The following SDK2 variants were observed in gnomAD, a reference collection of about 807,000 sequenced individuals.
SDK2 encodes sidekick cell adhesion molecule 2, also known as protein sidekick-2.
A neutral mutation model predicts 253.9 loss-of-function variants in SDK2; 105 were observed. The observed-to-expected ratio is 0.41, with a 90% CI of 0.35 to 0.49. The LOEUF is 0.49. Among genes scored for constraint, SDK2 ranks in the 20% least tolerant of loss-of-function variants. The probability of loss-of-function intolerance (pLI) is 0.06; values close to 1 mark genes in which losing one functional copy is unlikely to be tolerated. For missense variants in SDK2, 2,608 were observed against 3,003.0 expected (o/e 0.87, Z 3.07); for synonymous variants, 1,249 against 1,234.9 (o/e 1.01, Z -0.24).
At chr17:73,358,566 T>TA (rs1194017621) in intron 39 of SDK2, among the ~76,000 whole-genome samples, 5 of 152,050 alleles carry the variant, frequency 3.3e-5, no homozygotes, top group African/African-American at 1.2e-4. Flanking sequence ...TCCCCCTCTA[T>TA]AAGGGCCTTT....
intron 1 of SDK2, among the ~76,000 whole-genome samples, chr17:73,579,901 C>T (rs1308453779): frequency 6.6e-6 from 1 of 151,734 alleles, no homozygotes; most frequent in Non-Finnish European, 1.5e-5. Context: ...CTGCTTGGAC[C>T]TGGGAGGTGG....
rs115501690 is a variant in SDK2, at chr17:73,534,892, C to T, written c.65-27295G>A. Reference sequence around the variant, plus strand: ...CCTTGTGGGGATACTGGATACTCTGCGATCGGCCGATCAGCCCGCTACTGG... The same window carrying T: ...CCTTGTGGGGATACTGGATACTCTGTGATCGGCCGATCAGCCCGCTACTGG... On this transcript the variant is annotated intron_variant, in intron 1 of 44. Coordinates refer to ENST00000392650, the MANE Select transcript of SDK2 (RefSeq NM_001144952.2). The surrounding 1 kb of genome is among the most constrained non-coding windows in gnomAD (Gnocchi z 4.9). Among the ~76,000 whole-genome samples the T allele has an allele frequency of 0.014, 2,102 of 152,240 alleles. 56 individuals carry two copies. The highest frequency in any genetic ancestry group is 0.047 in the African/African-American group (1,955 of 41,546).
chr17:73,364,321 C>A (rs184010305), intron 38 of SDK2, among the ~76,000 whole-genome samples: 2 of 152,078 alleles, frequency 1.3e-5, no homozygotes, highest in East Asian at 3.9e-4. Flanking sequence ...AGCTGGGGCC[C>A]GGAGGAAGGG....
At chr17:73,418,796 C>T (rs1294768348) in intron 16 of SDK2, among the ~76,000 whole-genome samples, 5 of 152,170 alleles carry the variant, frequency 3.3e-5, no homozygotes, top group Admixed American at 6.5e-5. Context: ...CTTCGGCCAG[C>T]TGGTTTCTCC....
Position 73,507,451 on chromosome 17 carries a change from A to G in SDK2, c.211T>C (p.Ser71Pro). Reference protein sequence around the residue: ...LHNNRELTKFSLEYRYMITSL... With the variant: ...LHNNRELTKFPLEYRYMITSL... ...GGGGCAGTTTACCTGTATTCCAGGG[A>G]GAACTTGGTCAGCTCCCTGTTGTTG... Residue 71 changes from serine to proline, a missense_variant, in exon 2 of 45, where the codon TCC (serine) becomes CCC (proline). Ser to Pro is a moderately conservative substitution (Grantham distance 74). Coordinates refer to ENST00000392650, the MANE Select transcript of SDK2 (RefSeq NM_001144952.2). 1 of 1,551,122 alleles carries G rather than the reference A, an allele frequency of 6.4e-7. No homozygotes were observed. Among genetic ancestry groups the G allele is most frequent in the Non-Finnish European group, 8.7e-7 (1 of 1,146,670 alleles).
chr17:73,616,677 C>T lies in SDK2; in HGVS notation c.64+27348G>A, dbSNP rs2046061979. On this transcript the variant is annotated intron_variant, in intron 1 of 44. Transcript: ENST00000392650. The surrounding 1 kb of genome is among the most constrained non-coding windows in gnomAD (Gnocchi z 5.2). ...AACTAACTAGTCCAGCTAGTTTTTG[C>T]AGAATGCTGTGAGAGTTACAGGATA... is the stretch of plus-strand genomic sequence containing the variant. 6.6e-6 allele frequency among the ~76,000 whole-genome samples: 1 copy of T among 152,172 alleles called. No homozygotes were observed. The highest frequency in any genetic ancestry group is 2.4e-5 in the African/African-American group (1 of 41,448).
intron 2 of SDK2, among the ~76,000 whole-genome samples, chr17:73,476,577 C>A (rs547317809): frequency 5.0e-4 from 76 of 152,244 alleles, no homozygotes; most frequent in African/African-American, 1.8e-3. Context: ...GTCAGTGAGG[C>A]GTGGTGAAAT....
In SDK2 at chr17:73,414,687, G is replaced by T; in HGVS notation, c.2441C>A (p.Ala814Asp). ...GCCGTTGATGAACTGGGGGCTGGGG[G>T]CGTTCCAGGTGAAGCGGATGGTCGT... Reference protein sequence around the residue: ...NSTTIRFTWNAPSPQFINGIN... With the variant: ...NSTTIRFTWNDPSPQFINGIN... Residue 814 changes from alanine to aspartate, a missense_variant, in exon 18 of 45, where the codon GCC (alanine) becomes GAC (aspartate). Physicochemically the swap from Ala to Asp is moderately radical, Grantham distance 126 (BLOSUM62 -2). Around this residue, in one of 2 missense-constraint regions of SDK2, gnomAD observed 1,505 missense variants for 1,859.1 expected, o/e 0.81. Coordinates refer to ENST00000392650, the MANE Select transcript of SDK2 (RefSeq NM_001144952.2). 3 of 1,613,990 alleles carry T rather than the reference G, an allele frequency of 1.9e-6. No homozygotes were observed. Among genetic ancestry groups the T allele is most frequent in the Non-Finnish European group, 1.7e-6 (2 of 1,179,900 alleles).
Position 73,435,918 on chromosome 17 carries a change from T to G in SDK2, c.1001-274A>C, listed in dbSNP as rs2063364739. On this transcript the variant is annotated intron_variant, in intron 8 of 44. Coordinates refer to ENST00000392650, the MANE Select transcript of SDK2 (RefSeq NM_001144952.2). This position sits in a 1 kb window ranked among gnomAD's most constrained non-coding sequence, Gnocchi z 5.7. ...GGACAAACTAATTTATTTATTCTAT[T>G]TTTTATTTCTATTTGTGTAGAGATG... 6.6e-6 allele frequency among the ~76,000 whole-genome samples: 1 copy of G among 152,130 alleles called. No individual in the cohort carries two copies. The highest frequency in any genetic ancestry group is 2.4e-5 in the African/African-American group (1 of 41,416).
intron 40 of SDK2, 92 bp downstream of exon 40, chr17:73,357,987 C>T (rs750219142): frequency 7.0e-6 from 11 of 1,578,274 alleles, no homozygotes; most frequent in Admixed American, 3.3e-5. Context: ...CCTTCTCAGG[C>T]GGAGGACAGA....
intron 9 of SDK2, among the ~76,000 whole-genome samples, chr17:73,434,208 G>A (rs889823820): frequency 6.6e-6 from 1 of 152,206 alleles, no homozygotes; most frequent in Non-Finnish European, 1.5e-5. Flanking sequence ...TGAAAGGAAG[G>A]CTCTGGCTTC....
intron 33 of SDK2, 122 bp from the exon 34 acceptor site, chr17:73,381,072 A>C: frequency 1.5e-6 from 1 of 655,480 alleles, no homozygotes; most frequent in Non-Finnish European, 2.8e-6. Context: ...GCGTGAACAG[A>C]CAGGAAGAGT....
intron 1 of SDK2, among the ~76,000 whole-genome samples, chr17:73,622,437 AT>A (rs2070346782): frequency 1.3e-5 from 2 of 152,184 alleles, no homozygotes; most frequent in Admixed American, 6.5e-5. Context: ...GATTCCAGAA[AT>A]TAGGGCTGTT....
chr17:73,443,240 C>G lies in SDK2; in HGVS notation c.614-2317G>C, dbSNP rs2063429262. 6.6e-6 allele frequency among the ~76,000 whole-genome samples: 1 copy of G among 151,736 alleles called. No homozygotes were observed. The highest frequency in any genetic ancestry group is 1.5e-5 in the Non-Finnish European group (1 of 67,982). ...GACTCCAGGCCTTGCTAGAAAAGGC[C>G]CAGGAAGAATGCGCATAAAATGTAA... On this transcript the variant is annotated intron_variant, in intron 5 of 44. Transcript: ENST00000392650. This position sits in a 1 kb window ranked among gnomAD's most constrained non-coding sequence, Gnocchi z 4.6.
intron 5 of SDK2, among the ~76,000 whole-genome samples, chr17:73,445,698 TGGCAGGCAGGCAGGCAGGCA>T (rs35240393): frequency 6.6e-6 from 1 of 151,226 alleles, no homozygotes; most frequent in Non-Finnish European, 1.5e-5. Context: ...ACAAATTGGT[TGGCAGGCAGGCAGGCAGGCA>T]GGCAGGCAGG....
intron 1 of SDK2, among the ~76,000 whole-genome samples, chr17:73,591,352 G>C (rs1477950280): frequency 6.6e-6 from 1 of 152,082 alleles, no homozygotes; most frequent in Non-Finnish European, 1.5e-5. Context: ...TCTCGAACCT[G>C]GTGCCTTCCC....
At chr17:73,380,784 T>C (rs1203982764) in intron 34 of SDK2, 110 bp downstream of exon 34, 2 of 937,146 alleles carry the variant, frequency 2.1e-6, no homozygotes, top group African/African-American at 3.3e-5. Flanking sequence ...TTAAGCCCCC[T>C]GGGGTGGGCA....
chr17:73,595,531 G>A (rs1179125585), intron 1 of SDK2, among the ~76,000 whole-genome samples: 1 of 152,138 alleles, frequency 6.6e-6, no homozygotes, highest in Admixed American at 6.5e-5. Context: ...CAGAGGAAAC[G>A]CTGTCTCCTC....
chr17:73,492,013 G>A (rs1268587524), intron 2 of SDK2, among the ~76,000 whole-genome samples: 1 of 152,114 alleles, frequency 6.6e-6, no homozygotes, highest in South Asian at 2.1e-4. Flanking sequence ...TTCATGCCTC[G>A]CTTTCATTGA....
Sources: gnomAD v4.1 joint callset for allele counts (sites outside exome capture counted in the v4.1 genomes callset) on GRCh38, gnomAD v4.1.1 for gene constraint, gnomAD v4.1.1 regional missense constraint, Gnocchi (gnomAD v3.1) non-coding constraint, MANE v1.5 for transcripts, NCBI Gene and HGNC (gene_info 2026-07-23, HGNC 2026-07-21) for gene names.